The following SREK1IP1 variants were observed in gnomAD, a reference collection of about 807,000 sequenced individuals.
SREK1IP1 encodes the protein protein SREK1IP1.
SREK1IP1 carries 12 observed loss-of-function variants against 22.8 expected under a neutral mutation model. That is an observed-to-expected ratio of 0.53 (90% confidence interval 0.34 to 0.85). The LOEUF is 0.85. Among genes scored for constraint, SREK1IP1 ranks in the 40% least tolerant of loss-of-function variants. The pLI is 0.02. For missense variants in SREK1IP1, 147 were observed against 171.8 expected (o/e 0.86, Z 0.81); for synonymous variants, 53 against 52.7 (o/e 1.01, Z -0.02).
intron 3 of SREK1IP1, among the ~76,000 whole-genome samples, chr5:64,730,083 C>G (rs1742350575): frequency 6.6e-6 from 1 of 151,994 alleles, no homozygotes; most frequent in South Asian, 2.1e-4. Flanking sequence ...TTGAGGAACT[C>G]CAACATTTAC....
rs1235456245 is a variant in SREK1IP1, at chr5:64,736,765, C to T, written c.205+4292G>A. 2.0e-5 allele frequency among the ~76,000 whole-genome samples: 3 copies of T among 152,014 alleles called. No homozygotes were observed. In the East Asian group the frequency reaches 5.8e-4, roughly 29 times the overall value. ...GGTGTGAGCCATCATGCCAGGCCAA[C>T]ACTTAGAATTTTTATATTCTCTTGA... On this transcript the variant is annotated intron_variant, in intron 3 of 4. Transcript: ENST00000513458.
chr5:64,766,689 C>A (rs561269011), intron 1 of SREK1IP1, among the ~76,000 whole-genome samples: 2 of 152,164 alleles, frequency 1.3e-5, no homozygotes, highest in Non-Finnish European at 2.9e-5. Context: ...TTATCCTATA[C>A]GATGGCAAAA....
chr5:64,727,553 A>ATATATATTTTTT, intron 4 of SREK1IP1: 2 of 84,716 alleles, frequency 2.4e-5, no homozygotes, highest in African/African-American at 1.1e-4. Context: ...ATATATATAT[A>ATATATATTTTTT]TTTTTTTTTT....
At chr5:64,741,017 T>C (rs1742542314) in intron 3 of SREK1IP1, 40 bp downstream of exon 3, 4 of 1,565,692 alleles carry the variant, frequency 2.6e-6, no homozygotes, top group Non-Finnish European at 3.5e-6. Context: ...GACAGAACAT[T>C]TACAAACATT....
Position 64,768,632 on chromosome 5 carries a change from G to T in SREK1IP1, c.-115C>A, listed in dbSNP as rs1296740308. On this transcript the variant is annotated 5_prime_UTR_variant, in exon 1 of 5. It adds an upstream start codon to the 5' untranslated region. Transcript: ENST00000513458. The stretch of plus-strand genomic sequence containing the variant: ...GCGTTTTCCTTCCCCCAGCGCAGCA[G>T]CACCCTCGCTACGGTCGGGAAGGGC... The T allele has an allele frequency of 2.0e-6, 3 of 1,479,528 alleles. No homozygotes were observed. Among genetic ancestry groups the T allele is most frequent in the Non-Finnish European group, 2.8e-6 (3 of 1,066,440 alleles). 91.7% of individuals were successfully genotyped at this position (1,479,528 alleles called of 1,614,324 possible).
At chr5:64,748,029 A>C (rs1403648681) in intron 2 of SREK1IP1, among the ~76,000 whole-genome samples, 1 of 152,234 alleles carries the variant, frequency 6.6e-6, no homozygotes, top group Admixed American at 6.5e-5. Flanking sequence ...ACAGGGACTC[A>C]AACAGATACT....
intron 3 of SREK1IP1, among the ~76,000 whole-genome samples, chr5:64,739,308 T>C (rs986766025): frequency 1.3e-5 from 2 of 152,118 alleles, no homozygotes; most frequent in Admixed American, 1.3e-4. Flanking sequence ...GGTTAGTGTG[T>C]CCCAGTCTAA....
intron 3 of SREK1IP1, among the ~76,000 whole-genome samples, chr5:64,730,093 C>T (rs532498710): frequency 2.6e-5 from 4 of 152,110 alleles, no homozygotes; most frequent in South Asian, 2.1e-4. Flanking sequence ...CCAACATTTA[C>T]GGGCTGAGAA....
chr5:64,732,024 C>T (rs991956379), intron 3 of SREK1IP1, among the ~76,000 whole-genome samples: 1 of 152,160 alleles, frequency 6.6e-6, no homozygotes, highest in African/African-American at 2.4e-5. Flanking sequence ...TGACAATGTA[C>T]ATCTGGAGAC....
chr5:64,737,033 T>C (rs1472375702), intron 3 of SREK1IP1, among the ~76,000 whole-genome samples: 4 of 152,018 alleles, frequency 2.6e-5, no homozygotes, highest in African/African-American at 9.7e-5. Flanking sequence ...TTTCCTCTTC[T>C]ACTTAGCAAT....
At chr5:64,755,634 A>G (rs1413069508) in intron 1 of SREK1IP1, among the ~76,000 whole-genome samples, 3 of 152,198 alleles carry the variant, frequency 2.0e-5, no homozygotes, top group African/African-American at 7.2e-5. Context: ...TTGTACCCCA[A>G]ACCTCACCAT....
intron 1 of SREK1IP1, among the ~76,000 whole-genome samples, chr5:64,766,397 A>G (rs1442022894): frequency 6.6e-6 from 1 of 152,104 alleles, no homozygotes; most frequent in Non-Finnish European, 1.5e-5. Context: ...CACTGAATCA[A>G]TCACCAACTC....
At chr5:64,758,785 C>T (rs1742894893) in intron 1 of SREK1IP1, among the ~76,000 whole-genome samples, 1 of 152,176 alleles carries the variant, frequency 6.6e-6, no homozygotes. Flanking sequence ...TTAGAGTAAA[C>T]AAACTATGAA....
intron 2 of SREK1IP1, 50 bp from the exon 3 acceptor site, chr5:64,741,250 T>C: frequency 6.5e-7 from 1 of 1,545,624 alleles, no homozygotes; most frequent in East Asian, 2.4e-5. Context: ...ATAGATACAT[T>C]ATGTATTTTT....
intron 3 of SREK1IP1, among the ~76,000 whole-genome samples, 155 bp downstream of exon 3, chr5:64,740,902 T>G (rs1742540622): frequency 6.6e-6 from 1 of 152,204 alleles, no homozygotes; most frequent in African/African-American, 2.4e-5. Flanking sequence ...TGTTCAATCT[T>G]AGGCAAATAA....
chr5:64,725,353 C>T (rs1183850561), intron 4 of SREK1IP1, among the ~76,000 whole-genome samples: 2 of 152,054 alleles, frequency 1.3e-5, no homozygotes, highest in African/African-American at 2.4e-5. Context: ...AACATTCTAC[C>T]TATACTCAAA....
chr5:64,724,559 C>G lies in SREK1IP1; in HGVS notation c.293G>C (p.Ser98Thr), dbSNP rs771751864. The G allele has an allele frequency of 4.5e-6, 7 of 1,569,660 alleles. No individual in the cohort carries two copies. Among genetic ancestry groups the G allele is most frequent in the Non-Finnish European group, 8.6e-7 (1 of 1,167,362 alleles). Residue 98 changes from serine (S) to threonine (T), a missense_variant, in exon 5 of 5, where the codon AGT (serine) becomes ACT (threonine). Around this residue, in one of 3 missense-constraint regions of SREK1IP1, gnomAD observed 82 missense variants for 81.7 expected, o/e 1.00. Coordinates refer to ENST00000513458, the MANE Select transcript of SREK1IP1 (RefSeq NM_173829.4). ...TTTTGAAGTGTCCTCTTCAGTGGAA[C>G]TGGATGAGTAAGACCTATGGATAAT... is the stretch of plus-strand genomic sequence containing the variant. ...KKKRKRSYSS[S>T]STEEDTSKQK...
intron 1 of SREK1IP1, among the ~76,000 whole-genome samples, chr5:64,762,641 C>A (rs1742968806): frequency 6.6e-6 from 1 of 152,066 alleles, no homozygotes; most frequent in Admixed American, 6.6e-5. Flanking sequence ...AGAAATTAGT[C>A]ATTTTTTACT....
chr5:64,741,289 T>A (rs1742547676), intron 2 of SREK1IP1, 89 bp from the exon 3 acceptor site: 4 of 1,194,990 alleles, frequency 3.3e-6, no homozygotes, highest in Non-Finnish European at 3.6e-6. Context: ...CGGTAACCAG[T>A]AAGTTACAAT....
Sources: gnomAD v4.1 joint callset for allele counts (sites outside exome capture counted in the v4.1 genomes callset) on GRCh38, gnomAD v4.1.1 for gene constraint, gnomAD v4.1.1 regional missense constraint, MANE v1.5 for transcripts, NCBI Gene and HGNC (gene_info 2026-07-23, HGNC 2026-07-21) for gene names.